The following MKNK2 variants were observed in gnomAD, a reference collection of about 807,000 sequenced individuals.
MKNK2 encodes the protein MAPK interacting serine/threonine kinase 2.
Under a neutral mutation model 55.0 loss-of-function variants are expected in MKNK2, and 54 were observed. The ratio of observed to expected loss-of-function variants is 0.98; its 90% CI spans 0.79 to 1.23. MKNK2 has a LOEUF of 1.23. MKNK2 is among the 50% of genes most tolerant of loss of function. The pLI, the probability that MKNK2 is intolerant of heterozygous loss-of-function variation, is 0.00. For synonymous variants in MKNK2, 323 were observed against 256.0 expected (o/e 1.26, Z -2.50); for missense variants, 685 against 632.1 (o/e 1.08, Z -0.90).
At chr19:2,048,251 C>A (rs2017041033) in intron 2 of MKNK2, among the ~76,000 whole-genome samples, 1 of 152,086 alleles carries the variant, frequency 6.6e-6, no homozygotes, top group African/African-American at 2.4e-5. Flanking sequence ...CTTGACCCAG[C>A]CCCAGGACCA....
Position 2,037,874 on chromosome 19 carries a change from A to C in MKNK2, c.*1739T>G. 6.5e-7 allele frequency: 1 copy of C among 1,539,472 alleles called. No homozygotes were observed. Among genetic ancestry groups the C allele is most frequent in the Non-Finnish European group, 8.8e-7 (1 of 1,135,000 alleles). On this transcript the variant is annotated 3_prime_UTR_variant, in exon 14 of 14. Coordinates refer to ENST00000250896, the MANE Select transcript of MKNK2 (RefSeq NM_199054.3). The stretch of plus-strand genomic sequence containing the variant: ...AACAAACAAACAAACGCTGCTAGCC[A>C]CTCAGCTTTAGAGACCCGATGGCTA...
chr19:2,050,634 C>CA (rs1225337485), intron 2 of MKNK2, among the ~76,000 whole-genome samples, 167 bp downstream of exon 2: 1 of 152,190 alleles, frequency 6.6e-6, no homozygotes, highest in Non-Finnish European at 1.5e-5. Context: ...CCCATCCTCG[C>CA]ACACCGACCC....
chr19:2,041,098 C>T lies in MKNK2; in HGVS notation c.1052G>A (p.Arg351His), dbSNP rs999510138. ...AKDLISKLLV[R>H]DAKQRLSAAQ... ...GGCACTCAGCCTCTGCTTGGCGTCA[C>T]GGACCAGCAGCTTGGAGATGAGGTC... The change falls in exon 12 of 14, where the codon CGT (arginine) becomes CAT (histidine). Residue 351 changes from arginine to histidine, a missense_variant. Physicochemically the swap from Arg to His is conservative, Grantham distance 29. Transcript: ENST00000250896. 7.4e-6 allele frequency: 12 copies of T among 1,614,014 alleles called. No individual in the cohort carries two copies. The Middle Eastern group carries it at 5.0e-4, about 67-fold the overall frequency.
intron 10 of MKNK2, 134 bp downstream of exon 10, chr19:2,042,293 C>T: frequency 1.1e-6 from 1 of 872,370 alleles, no homozygotes; most frequent in East Asian, 2.7e-5. Context: ...ACACCCCGCC[C>T]AACCAATCAG....
Position 2,037,795 on chromosome 19 carries a change from AG to A in MKNK2, c.*1817del, listed in dbSNP as rs2016780022. On this transcript the variant is annotated 3_prime_UTR_variant, in exon 14 of 14. Transcript: ENST00000250896. ...CCTCCAGGTCGCACGTGGATGCGACAGGGGTGGGGAGGGAGGAGGAAGTGAC... is the reference window on the plus strand; with the variant it reads ...CCTCCAGGTCGCACGTGGATGCGACAGGGTGGGGAGGGAGGAGGAAGTGAC... 3 of 1,592,872 alleles carry A rather than the reference AG, an allele frequency of 1.9e-6. No individual in the cohort carries two copies. The African/African-American group carries it at 4.1e-5, about 22-fold the overall frequency.
chr19:2,047,357 T>C (rs570705371), intron 2 of MKNK2, among the ~76,000 whole-genome samples: 1 of 152,100 alleles, frequency 6.6e-6, no homozygotes, highest in African/African-American at 2.4e-5. Context: ...CACAGGGCCG[T>C]GGGGAAGACC....
In MKNK2 at chr19:2,039,327, G is replaced by T; in HGVS notation, c.*286C>A. The T allele has an allele frequency of 1.5e-6, 2 of 1,311,432 alleles. No individual in the cohort carries two copies. Among genetic ancestry groups the T allele is most frequent in the South Asian group, 2.1e-5 (1 of 47,712 alleles). 81.2% of individuals were successfully genotyped at this position (1,311,432 alleles called of 1,614,324 possible). On this transcript the variant is annotated 3_prime_UTR_variant, in exon 14 of 14. Transcript: ENST00000250896. Reference sequence around the variant, plus strand: ...CATAGTAGAGGTGAGCAGGGCGGGGGACCGGGGAGGGGACAAGCCCACCCA... The same window carrying T: ...CATAGTAGAGGTGAGCAGGGCGGGGTACCGGGGAGGGGACAAGCCCACCCA...
At chr19:2,043,825 T>C (rs2016944052) in intron 5 of MKNK2, among the ~76,000 whole-genome samples, 1 of 151,708 alleles carries the variant, frequency 6.6e-6, no homozygotes, top group Non-Finnish European at 1.5e-5. Context: ...AATATAAAAA[T>C]TAGCTGGGTG....
intron 12 of MKNK2, 27 bp from the exon 13 acceptor site, chr19:2,040,204 G>A: frequency 6.5e-7 from 1 of 1,547,422 alleles, no homozygotes; most frequent in Non-Finnish European, 8.7e-7. Context: ...CGGGGGCAGG[G>A]CTGGAGAGCA....
At position 2,037,746 on chromosome 19, in the gene MKNK2, T is replaced by C. The variant is rs957040313; in HGVS notation, c.*1867A>G. 5.0e-6 allele frequency: 8 copies of C among 1,593,258 alleles called. No individual in the cohort carries two copies. The African/African-American group carries it at 8.1e-5, about 16-fold the overall frequency. ...CAGGGTCCTCCAGGATCTTCACTCA[T>C]TCACAGTAACGGTTCTGACCAGTCC... On this transcript the variant is annotated 3_prime_UTR_variant, in exon 14 of 14. Coordinates refer to ENST00000250896, the MANE Select transcript of MKNK2 (RefSeq NM_199054.3).
At position 2,037,475 on chromosome 19, in the gene MKNK2, GTTT is replaced by G. The variant is rs1347804888; in HGVS notation, c.*2135_*2137del. 2 of 286,156 alleles carry G rather than the reference GTTT, an allele frequency of 7.0e-6. No individual in the cohort carries two copies. Among genetic ancestry groups the G allele is most frequent in the Non-Finnish European group, 1.3e-5 (2 of 154,900 alleles). The allele number at this position is 286,156 out of a possible 1,614,324, so 17.7% of individuals were successfully genotyped here. On this transcript the variant is annotated 3_prime_UTR_variant, in exon 14 of 14. Transcript: ENST00000250896. The stretch of plus-strand genomic sequence containing the variant: ...AAACTAAAACTCAGGCACACAGCAA[GTTT>G]TTTGACTTTTATTAAATCTTTACAA...
intron 5 of MKNK2, among the ~76,000 whole-genome samples, chr19:2,045,597 C>A (rs561604958): frequency 6.6e-6 from 1 of 152,166 alleles, no homozygotes; most frequent in African/African-American, 2.4e-5. Flanking sequence ...GAGCCCTGCT[C>A]GCCAGGGCAC....
Position 2,042,646 on chromosome 19 carries a change from G to A in MKNK2, c.615C>T (p.Asp205=), listed in dbSNP as rs747787366. 15 of 1,562,762 alleles carry A rather than the reference G, an allele frequency of 9.6e-6. No individual in the cohort carries two copies. In the South Asian group the frequency reaches 1.3e-4, roughly 13 times the overall value. The change falls in exon 9 of 14, where the codon GAC becomes GAT. Residue 205 remains aspartate (D), a synonymous_variant. Coordinates refer to ENST00000250896, the MANE Select transcript of MKNK2 (RefSeq NM_199054.3). ...CACAGAGGATGTTTTCCGGCTTTAGGTCCCTGTGGGCGATGCCTGGGGGAG... is the reference window on the plus strand; with the variant it reads ...CACAGAGGATGTTTTCCGGCTTTAGATCCCTGTGGGCGATGCCTGGGGGAG... ...FLHNKGIAHR[D]LKPENILCEH... is the part of the protein sequence containing the mutation.
chr19:2,041,962 G>T lies in MKNK2; in HGVS notation c.823C>A (p.Arg275Ser). 6.4e-7 allele frequency: 1 copy of T among 1,562,102 alleles called. No individual in the cohort carries two copies. The highest frequency in any genetic ancestry group is 8.7e-7 in the Non-Finnish European group (1 of 1,153,342). Reference protein sequence around the residue: ...FSEEASIYDKRCDLWSLGVIL... With the variant: ...FSEEASIYDKSCDLWSLGVIL... ...ACGCCCAGGCTCCACAGGTCGCAGC[G>T]CTTGTCGTAGATGCTAGCCTCCTCG... The change falls in exon 11 of 14, where the codon CGC (arginine) becomes AGC (serine). Residue 275 changes from arginine to serine, a missense_variant. Physicochemically the swap from Arg to Ser is moderately radical, Grantham distance 110. Coordinates refer to ENST00000250896, the MANE Select transcript of MKNK2 (RefSeq NM_199054.3).
Position 2,046,394 on chromosome 19 carries a change from T to C in MKNK2, c.214A>G (p.Thr72Ala). 1 of 1,608,718 alleles carries C rather than the reference T, an allele frequency of 6.2e-7. No individual in the cohort carries two copies. The highest frequency in any genetic ancestry group is 2.2e-5 in the East Asian group (1 of 44,822). ...TCAAACCTGCCCGAGAAGCTGTCGGTGGCCCGGCCGCGCTTCTTCTTCTTG... is the reference window on the plus strand; with the variant it reads ...TCAAACCTGCCCGAGAAGCTGTCGGCGGCCCGGCCGCGCTTCTTCTTCTTG... ...RGKKKKRGRA[T>A]DSFSGRFEDV... The change falls in exon 4 of 14, where the codon ACC (threonine) becomes GCC (alanine). Residue 72 changes from threonine to alanine, a missense_variant. Coordinates refer to ENST00000250896, the MANE Select transcript of MKNK2 (RefSeq NM_199054.3).
Position 2,039,377 on chromosome 19 carries a change from G to T in MKNK2, c.*236C>A, listed in dbSNP as rs2145682065. On this transcript the variant is annotated 3_prime_UTR_variant, in exon 14 of 14. Transcript: ENST00000250896. The stretch of plus-strand genomic sequence containing the variant: ...ACCTACCCTCTGCTCACCTTCCCGG[G>T]TGCCTGCAATGCTTTTAACCATCCA... 7.2e-7 allele frequency: 1 copy of T among 1,385,958 alleles called. No homozygotes were observed. The highest frequency in any genetic ancestry group is 2.6e-5 in the East Asian group (1 of 38,514). 85.9% of individuals were successfully genotyped at this position (1,385,958 alleles called of 1,614,324 possible).
intron 4 of MKNK2, 31 bp downstream of exon 4, chr19:2,046,336 G>A (rs368129105): frequency 1.4e-5 from 23 of 1,604,386 alleles, no homozygotes; most frequent in Middle Eastern, 1.6e-4. Context: ...CCCCGCTCCC[G>A]GCTCCCCCAA....
chr19:2,041,984 C>T lies in MKNK2; in HGVS notation c.801G>A (p.Glu267=). Reference sequence around the variant, plus strand: ...AGCGCTTGTCGTAGATGCTAGCCTCCTCGCTGAAGGCCTCCACTACCTCCG... The same window carrying T: ...AGCGCTTGTCGTAGATGCTAGCCTCTTCGCTGAAGGCCTCCACTACCTCCG... The part of the protein sequence containing the change: ...MAPEVVEAFS[E]EASIYDKRCD... The change falls in exon 11 of 14, where the codon GAG becomes GAA. Residue 267 remains glutamate (E), a synonymous_variant. Transcript: ENST00000250896. 1 of 1,559,434 alleles carries T rather than the reference C, an allele frequency of 6.4e-7. No homozygotes were observed. Among genetic ancestry groups the T allele is most frequent in the Non-Finnish European group, 8.7e-7 (1 of 1,152,842 alleles).
At chr19:2,040,642 AGAAAC>A (rs1287036481) in intron 12 of MKNK2, 1 of 290,172 alleles carries the variant, frequency 3.4e-6, no homozygotes, top group African/African-American at 2.2e-5. Flanking sequence ...CTCTGGCAGG[AGAAAC>A]ACCCGACTCC....
Sources: gnomAD v4.1 joint callset for allele counts (sites outside exome capture counted in the v4.1 genomes callset) on GRCh38, gnomAD v4.1.1 for gene constraint, MANE v1.5 for transcripts, NCBI Gene and HGNC (gene_info 2026-07-23, HGNC 2026-07-21) for gene names.